Variants in UNC79 observed in about 807,000 individuals in gnomAD.
UNC79 encodes the protein unc-79 subunit of NALCN channel complex.
In UNC79, 37 loss-of-function variants were observed where a neutral mutation model predicts 283.1. The observed-to-expected ratio is 0.13, with a 90% CI of 0.10 to 0.17. UNC79 has a LOEUF of 0.17. Ranked by LOEUF, UNC79 falls within the 10% of genes least tolerant of loss-of-function variation. The pLI is 1.00. For missense variants in UNC79, 2,272 were observed against 3,211.1 expected, an observed-to-expected ratio of 0.71 and a Z score of 7.07; for synonymous variants, 1,107 against 1,200.2, an observed-to-expected ratio of 0.92 and a Z score of 1.61.
chr14:93,570,256 A>G (rs1251215003), intron 14 of UNC79, among the ~76,000 whole-genome samples: 6 of 152,200 alleles, frequency 3.9e-5, no homozygotes, highest in Non-Finnish European at 8.8e-5. Context: ...GACATCAACA[A>G]TAGCATTCAC....
chr14:93,620,580 A>G (rs1051833813), intron 29 of UNC79, among the ~76,000 whole-genome samples: 2 of 152,200 alleles, frequency 1.3e-5, no homozygotes, highest in East Asian at 1.9e-4. Flanking sequence ...GCTGACATCT[A>G]TGTGTCATCT....
chr14:93,349,004 T>C (rs1348005790), intron 1 of UNC79, among the ~76,000 whole-genome samples: 1 of 152,208 alleles, frequency 6.6e-6, no homozygotes, highest in African/African-American at 2.4e-5. Context: ...TGCTCACTAT[T>C]TGGGTCCGTG....
At chr14:93,436,823 T>C (rs2056100310) in intron 1 of UNC79, among the ~76,000 whole-genome samples, 1 of 152,180 alleles carries the variant, frequency 6.6e-6, no homozygotes, top group Non-Finnish European at 1.5e-5. Flanking sequence ...TTAGAACTTT[T>C]AGCTTCTTTC....
intron 5 of UNC79, among the ~76,000 whole-genome samples, chr14:93,489,963 A>G (rs966547758): frequency 6.6e-6 from 1 of 152,252 alleles, no homozygotes; most frequent in East Asian, 1.9e-4. Flanking sequence ...GTGGAGGTGA[A>G]TACACCCCCA....
chr14:93,567,341 T>A (rs1210898010), intron 14 of UNC79, among the ~76,000 whole-genome samples: 1 of 152,244 alleles, frequency 6.6e-6, no homozygotes, highest in Non-Finnish European at 1.5e-5. Context: ...TTCTCCTGCC[T>A]TGGCTTCCCA....
intron 14 of UNC79, among the ~76,000 whole-genome samples, chr14:93,552,166 C>G (rs528040818): frequency 6.6e-6 from 1 of 152,330 alleles, no homozygotes; most frequent in East Asian, 1.9e-4. Context: ...GAGAAGAAAT[C>G]AGCTGCCATT....
chr14:93,587,675 T>C (rs1197980341), intron 22 of UNC79, among the ~76,000 whole-genome samples: 1 of 152,244 alleles, frequency 6.6e-6, no homozygotes, highest in Non-Finnish European at 1.5e-5. Context: ...GGTGACCATA[T>C]AATTTAGTAT....
At chr14:93,618,260 C>G in exon 29 of UNC79, 7 of 1,614,074 alleles carry the variant, frequency 4.3e-6, no homozygotes, top group Non-Finnish European at 5.9e-6. Context: ...TCAATACACT[C>G]AATGCGCAGT....
In UNC79 at chr14:93,621,921, A is replaced by T; in HGVS notation, c.4688A>T (p.Glu1563Val). ...AGGCCTGACAATAGTGAAATCCCCG[A>T]GAACCCAGCTATGGAAGGGTTTCCA... Residue 1563 changes from glutamate (E) to valine (V), a missense_variant, in exon 30 of 49, where the codon GAG becomes GTG. Glu to Val is a moderately radical substitution (Grantham distance 121). This residue lies in a region of UNC79 where 580 missense variants were observed against 632.2 expected (regional missense o/e 0.92). Coordinates refer to ENST00000555664, the Ensembl canonical transcript of UNC79. The surrounding 1 kb of genome is among the most constrained non-coding windows in gnomAD (Gnocchi z 4.8). 3 of 1,614,128 alleles carry T rather than the reference A, an allele frequency of 1.9e-6. No homozygotes were observed. The highest frequency in any genetic ancestry group is 2.5e-6 in the Non-Finnish European group (3 of 1,180,016).
intron 31 of UNC79, among the ~76,000 whole-genome samples, chr14:93,633,490 C>G (rs2068219683): frequency 6.6e-6 from 1 of 152,252 alleles, no homozygotes; most frequent in South Asian, 2.1e-4. Flanking sequence ...TGCGGTCATC[C>G]CGGTCTCTAC....
chr14:93,701,413 C>T (rs2075521393), intron 47 of UNC79, among the ~76,000 whole-genome samples: 1 of 152,104 alleles, frequency 6.6e-6, no homozygotes, highest in African/African-American at 2.4e-5. Context: ...TACAGTCCAA[C>T]CAGGCAGGAA....
intron 7 of UNC79, among the ~76,000 whole-genome samples, chr14:93,498,351 G>T (rs2059119837): frequency 6.6e-6 from 1 of 151,992 alleles, no homozygotes; most frequent in Non-Finnish European, 1.5e-5. Flanking sequence ...CAGTTCGGGA[G>T]GCCTAGGCGG....
At chr14:93,517,321 T>C (rs907767143) in intron 7 of UNC79, among the ~76,000 whole-genome samples, 2 of 82,404 alleles carry the variant, frequency 2.4e-5, no homozygotes, top group Non-Finnish European at 4.7e-5. Flanking sequence ...CTTTCTATCC[T>C]TCTCTTTTTT....
chr14:93,347,473 A>T (rs2053878994), intron 1 of UNC79: 1 of 1,364,748 alleles, frequency 7.3e-7, no homozygotes, highest in Admixed American at 3.4e-5. Context: ...GGGAGAAGGG[A>T]GGACACGGCG....
In UNC79 at chr14:93,580,308, A is replaced by G. The variant is rs1166669395; in HGVS notation, c.2593A>G (p.Ile865Val). Reference sequence around the variant, plus strand: ...CGAGTGCAACTTATGTCAGTCTAGTATCCTCTGCTATCAGCTTGCTTGTGA... The same window carrying G: ...CGAGTGCAACTTATGTCAGTCTAGTGTCCTCTGCTATCAGCTTGCTTGTGA... Residue 865 changes from isoleucine (I) to valine (V), a missense_variant, in exon 19 of 49, where the codon ATC (isoleucine) becomes GTC (valine). Physicochemically the swap from Ile to Val is conservative, Grantham distance 29 (BLOSUM62 3). Transcript: ENST00000555664. 3 of 1,614,256 alleles carry G rather than the reference A, an allele frequency of 1.9e-6. No homozygotes were observed. The highest frequency in any genetic ancestry group is 2.2e-5 in the East Asian group (1 of 44,888).
intron 1 of UNC79, among the ~76,000 whole-genome samples, chr14:93,447,270 C>T (rs1231846396): frequency 6.6e-6 from 1 of 152,066 alleles, no homozygotes; most frequent in African/African-American, 2.4e-5. Context: ...TTCCTACTGT[C>T]TTTTTAAATA....
chr14:93,446,322 C>A (rs10134692), intron 1 of UNC79, among the ~76,000 whole-genome samples: 77,432 of 151,606 alleles, frequency 0.51, 20,435 homozygotes, highest in Admixed American at 0.62. Flanking sequence ...TTTCATTATT[C>A]AGTTTAAAAT....
intron 1 of UNC79, among the ~76,000 whole-genome samples, chr14:93,360,018 C>G (rs2054187469): frequency 6.6e-6 from 1 of 152,150 alleles, no homozygotes; most frequent in Non-Finnish European, 1.5e-5. Context: ...CATTGTGGTC[C>G]TCCAGTTAAA....
At chr14:93,583,332 T>C (rs7149171) in intron 20 of UNC79, among the ~76,000 whole-genome samples, 1 of 148,334 alleles carries the variant, frequency 6.7e-6, no homozygotes, top group Non-Finnish European at 1.5e-5. Flanking sequence ...AAAAAAAAAA[T>C]AATAAATAAA....
Sources: allele counts gnomAD v4.1 joint callset (sites outside exome capture counted in the v4.1 genomes callset), GRCh38; gene constraint gnomAD v4.1.1; regional missense constraint gnomAD v4.1.1; non-coding constraint Gnocchi (gnomAD v3.1); transcripts MANE v1.5; gene names NCBI Gene and HGNC (gene_info 2026-07-23, HGNC 2026-07-21).